Variants in AFF3 observed in about 807,000 individuals in gnomAD.
The protein encoded by AFF3 is AF4/FMR2 family member 3.
A neutral mutation model predicts 129.7 loss-of-function variants in AFF3; 32 were observed. The observed-to-expected ratio is 0.25, with a 90% CI of 0.19 to 0.33. The LOEUF (loss-of-function observed/expected upper bound fraction) is 0.33, where lower values mean the gene tolerates loss of function less well. AFF3 is among the 10% of genes least tolerant of loss of function. The pLI, the probability that AFF3 is intolerant of heterozygous loss-of-function variation, is 1.00. For synonymous variants in AFF3, 644 were observed against 635.4 expected (o/e 1.01, Z -0.20); for missense variants, 1,373 against 1,592.0 (o/e 0.86, Z 2.34).
At chr2:100,090,672 T>C (rs1689779915) in intron 4 of AFF3, among the ~76,000 whole-genome samples, 1 of 151,094 alleles carries the variant, frequency 6.6e-6, no homozygotes, top group Non-Finnish European at 1.5e-5. Context: ...CATACATACA[T>C]ATATATATAT....
intron 16 of AFF3, among the ~76,000 whole-genome samples, chr2:99,585,333 GCTC>G (rs905066536): frequency 1.3e-5 from 2 of 152,180 alleles, no homozygotes; most frequent in African/African-American, 4.8e-5. Context: ...TTTCTTTGGA[GCTC>G]TTCTTTGAAA....
At chr2:100,063,159 G>A (rs181367593) in intron 4 of AFF3, among the ~76,000 whole-genome samples, 5 of 149,276 alleles carry the variant, frequency 3.3e-5, no homozygotes, top group Non-Finnish European at 7.4e-5. Flanking sequence ...GCTGAGGCAG[G>A]AGAATCACTT....
intron 11 of AFF3, among the ~76,000 whole-genome samples, chr2:99,716,490 G>C (rs770524335): frequency 6.6e-6 from 1 of 152,042 alleles, no homozygotes; most frequent in African/African-American, 2.4e-5. Context: ...GGTTAGAGAG[G>C]ATAACACATG....
Position 99,926,783 on chromosome 2 carries a change from A to G in AFF3, c.873+79849T>C, listed in dbSNP as rs1034471459. On this transcript the variant is annotated intron_variant, in intron 7 of 24. Coordinates refer to ENST00000672756, the MANE Select transcript of AFF3 (RefSeq NM_001386135.1). ...TCTTAAAAAATACAATATATGCTTAACAAGGCTTCTGTTGACCTCTTTCTG... is the reference window on the plus strand; with the variant it reads ...TCTTAAAAAATACAATATATGCTTAGCAAGGCTTCTGTTGACCTCTTTCTG... Among the ~76,000 whole-genome samples the G allele has an allele frequency of 3.3e-5, 5 of 152,166 alleles. No individual in the cohort carries two copies. The East Asian group carries it at 9.6e-4, about 29-fold the overall frequency.
At chr2:99,648,911 A>ACTCTCTCTCTCTCTCTCT (rs1310405470) in intron 13 of AFF3, among the ~76,000 whole-genome samples, 6 of 36,236 alleles carry the variant, frequency 1.7e-4, no homozygotes, top group Non-Finnish European at 2.7e-4. Context: ...ACACACACAC[A>ACTCTCTCTCTCTCTCTCT]CACACACTCT....
chr2:99,870,389 C>T (rs1335824532), intron 7 of AFF3, among the ~76,000 whole-genome samples: 1 of 152,246 alleles, frequency 6.6e-6, no homozygotes, highest in Non-Finnish European at 1.5e-5. Context: ...TAGGCCCCTT[C>T]CCCACAGCAG....
intron 8 of AFF3, among the ~76,000 whole-genome samples, chr2:99,795,374 T>G (rs1420053485): frequency 6.6e-6 from 1 of 151,256 alleles, no homozygotes; most frequent in Non-Finnish European, 1.5e-5. Flanking sequence ...TGACAGACAC[T>G]GGGGACTCAG....
At chr2:99,980,129 G>A (rs1679268050) in intron 7 of AFF3, among the ~76,000 whole-genome samples, 1 of 152,148 alleles carries the variant, frequency 6.6e-6, no homozygotes, top group South Asian at 2.1e-4. Context: ...ACCTCAGCTA[G>A]TGCTTGACTT....
intron 7 of AFF3, among the ~76,000 whole-genome samples, chr2:99,860,381 G>A (rs192269059): frequency 2.6e-5 from 4 of 152,074 alleles, no homozygotes; most frequent in African/African-American, 9.6e-5. Flanking sequence ...GTGAAACCCC[G>A]TCTCTACTAA....
chr2:99,636,507 G>A (rs1407235043), intron 13 of AFF3, among the ~76,000 whole-genome samples: 3 of 152,170 alleles, frequency 2.0e-5, no homozygotes, highest in East Asian at 3.8e-4. Context: ...ACTGCCTCTC[G>A]GGATGAGAGC....
intron 17 of AFF3, 144 bp downstream of exon 17, chr2:99,582,654 T>C (rs751220239): frequency 2.7e-5 from 22 of 821,738 alleles, no homozygotes; most frequent in Non-Finnish European, 3.8e-5. Context: ...CTGTCCTCTG[T>C]TGGGTCTTCC....
intron 4 of AFF3, among the ~76,000 whole-genome samples, chr2:100,086,911 C>T (rs567809153): frequency 1.3e-5 from 2 of 152,370 alleles, no homozygotes; most frequent in African/African-American, 2.4e-5. Context: ...TTAGGCAAGA[C>T]ACACATTATC....
At chr2:100,135,865 A>C (rs1376122808) in intron 1 of AFF3, among the ~76,000 whole-genome samples, 1 of 152,200 alleles carries the variant, frequency 6.6e-6, no homozygotes, top group Non-Finnish European at 1.5e-5. Flanking sequence ...AGACCATAGG[A>C]TCTAGGACCA....
intron 16 of AFF3, among the ~76,000 whole-genome samples, chr2:99,585,693 C>T (rs75690639): frequency 0.024 from 3,602 of 152,218 alleles, 90 homozygotes; most frequent in Non-Finnish European, 0.031. Flanking sequence ...CACTTGAGAC[C>T]GTGTCACCGG....
intron 7 of AFF3, among the ~76,000 whole-genome samples, chr2:99,997,661 G>C (rs765186094): frequency 1.1e-4 from 16 of 152,194 alleles, no homozygotes; most frequent in Middle Eastern, 6.8e-3. Context: ...AGTCCTTACT[G>C]AGGCTTGGCA....
chr2:99,886,697 G>GA (rs372957211), intron 7 of AFF3, among the ~76,000 whole-genome samples: 25 of 152,034 alleles, frequency 1.6e-4, no homozygotes, highest in Non-Finnish European at 3.1e-4. Flanking sequence ...TACCCAAACT[G>GA]AAAAAAATTA....
chr2:100,032,825 T>G (rs1037810759), intron 4 of AFF3, among the ~76,000 whole-genome samples: 1 of 152,192 alleles, frequency 6.6e-6, no homozygotes, highest in African/African-American at 2.4e-5. Context: ...TTAATTACTA[T>G]AAATTTATAG....
At chr2:100,033,955 GC>G (rs1322760951) in intron 4 of AFF3, among the ~76,000 whole-genome samples, 1 of 151,976 alleles carries the variant, frequency 6.6e-6, no homozygotes, top group Non-Finnish European at 1.5e-5. Flanking sequence ...AATCATGCAG[GC>G]TAATTCTCAC....
intron 4 of AFF3, among the ~76,000 whole-genome samples, chr2:100,086,495 T>C (rs999697868): frequency 6.6e-6 from 1 of 152,102 alleles, no homozygotes; most frequent in Non-Finnish European, 1.5e-5. Context: ...AACTCCAGCC[T>C]GGTGACAGAG....
Sources: allele counts gnomAD v4.1 joint callset (sites outside exome capture counted in the v4.1 genomes callset), GRCh38; gene constraint gnomAD v4.1.1; transcripts MANE v1.5; gene names NCBI Gene and HGNC (gene_info 2026-07-23, HGNC 2026-07-21).